The following INTS4 variants were observed in gnomAD, a reference collection of about 807,000 sequenced individuals.
The protein encoded by INTS4 is MSTP093.
INTS4 carries 70 observed loss-of-function variants against 119.5 expected under a neutral mutation model. The ratio of observed to expected loss-of-function variants is 0.59; its 90% CI spans 0.48 to 0.71. The LOEUF (loss-of-function observed/expected upper bound fraction) is 0.71, where lower values mean the gene tolerates loss of function less well. Ranked by LOEUF, INTS4 falls within the 30% of genes least tolerant of loss-of-function variation. The pLI is 0.00. For synonymous variants in INTS4, 316 were observed against 419.6 expected (o/e 0.75, Z 3.02); for missense variants, 867 against 1,173.2 (o/e 0.74, Z 3.81).
At chr11:77,903,249 T>C (rs538007273) in intron 17 of INTS4, among the ~76,000 whole-genome samples, 2 of 152,350 alleles carry the variant, frequency 1.3e-5, no homozygotes, top group Admixed American at 1.3e-4. Context: ...TAGCCTGAAA[T>C]TAGGGAGGCC....
chr11:77,993,687 A>C (rs1856788249), intron 1 of INTS4, among the ~76,000 whole-genome samples: 1 of 152,156 alleles, frequency 6.6e-6, no homozygotes, highest in African/African-American at 2.4e-5. Flanking sequence ...GAATCCATGT[A>C]ATGTTTAAGG....
chr11:77,890,648 T>C (rs761421441), intron 21 of INTS4, among the ~76,000 whole-genome samples: 6 of 152,218 alleles, frequency 3.9e-5, no homozygotes, highest in Non-Finnish European at 7.3e-5. Context: ...AATGAAACTG[T>C]GCACACCCCG....
rs1243995888 is a variant in INTS4, at chr11:77,899,582, A to G, written c.2228+1839T>C. ...CTACTTGGGAGGCTGAGGCAGGAGA[A>G]TCGCTTGAACCCAGGAGGCAGAGGT... On this transcript the variant is annotated intron_variant, in intron 18 of 22. Coordinates refer to ENST00000534064, the MANE Select transcript of INTS4 (RefSeq NM_033547.4). Among the ~76,000 whole-genome samples the G allele has an allele frequency of 1.0e-3, 154 of 151,838 alleles. 1 individual carries two copies. The highest frequency in any genetic ancestry group is 3.7e-3 in the African/African-American group (153 of 41,162).
chr11:77,936,912 C>T (rs1051218506), intron 10 of INTS4, among the ~76,000 whole-genome samples: 3 of 152,096 alleles, frequency 2.0e-5, no homozygotes, highest in Admixed American at 6.6e-5. Flanking sequence ...TGGTGGCTCA[C>T]ACCTGTAATC....
Position 77,921,336 on chromosome 11 carries a change from A to G in INTS4, c.1764+4T>C. ...AACAAGGACAACAGATGTTTTCAACATACCCTCAAGGCAGGAACAAGATGA... is the reference window on the plus strand; with the variant it reads ...AACAAGGACAACAGATGTTTTCAACGTACCCTCAAGGCAGGAACAAGATGA... On this transcript the variant is annotated splice_donor_region_variant and intron_variant, in intron 14 of 22. Transcript: ENST00000534064. 6.2e-7 allele frequency: 1 copy of G among 1,612,710 alleles called. No individual in the cohort carries two copies. The highest frequency in any genetic ancestry group is 8.5e-7 in the Non-Finnish European group (1 of 1,179,250).
chr11:77,941,974 T>C (rs1347899374), intron 8 of INTS4, among the ~76,000 whole-genome samples: 4 of 152,234 alleles, frequency 2.6e-5, no homozygotes, highest in Non-Finnish European at 5.9e-5. Flanking sequence ...ATTCCAGAGC[T>C]AGGAAATAAA....
rs146790163 is a variant in INTS4 at position 77,928,434 on chromosome 11, C to G, written c.1279G>C (p.Val427Leu). Residue 427 changes from valine to leucine, a missense_variant, in exon 11 of 23, where the codon GTA (valine) becomes CTA (leucine). Val to Leu is a conservative substitution (Grantham distance 32). Coordinates refer to ENST00000534064, the MANE Select transcript of INTS4 (RefSeq NM_033547.4). Reference protein sequence around the residue: ...VDMFNDEIEEVRLQSIHTMRK... With the variant: ...VDMFNDEIEELRLQSIHTMRK... ...ATGGTATGTATAGACTGCAGACGTACTTCCTCAATTTCATCGTTGAACATG... is the reference window on the plus strand; with the variant it reads ...ATGGTATGTATAGACTGCAGACGTAGTTCCTCAATTTCATCGTTGAACATG... The G allele has an allele frequency of 4.3e-6, 7 of 1,612,196 alleles. No homozygotes were observed. The African/African-American group carries it at 9.4e-5, about 22-fold the overall frequency.
At chr11:77,903,646 A>G (rs1179017109) in intron 16 of INTS4, 26 bp from the exon 17 acceptor site, 1 of 1,582,430 alleles carries the variant, frequency 6.3e-7, no homozygotes, top group Non-Finnish European at 8.6e-7. Flanking sequence ...AGGAGGGAAC[A>G]GAATACCGAG....
intron 10 of INTS4, 39 bp from the exon 11 acceptor site, chr11:77,928,586 G>C (rs1323767703): frequency 2.6e-6 from 4 of 1,546,282 alleles, no homozygotes; most frequent in Admixed American, 2.0e-5. Flanking sequence ...ATCAGGCTGG[G>C]CACAGTGGCT....
At chr11:77,884,656 T>C in intron 21 of INTS4, 1 of 222,028 alleles carries the variant, frequency 4.5e-6, no homozygotes, top group South Asian at 5.8e-5. Context: ...GAAACTGTGG[T>C]CAATGTTGAA....
intron 21 of INTS4, among the ~76,000 whole-genome samples, chr11:77,889,246 T>G (rs932188020): frequency 6.6e-6 from 1 of 151,936 alleles, no homozygotes; most frequent in South Asian, 2.1e-4. Context: ...TATGCAGCCA[T>G]AAAAAATGAT....
At chr11:77,911,085 T>C in intron 15 of INTS4, 3 of 1,286,680 alleles carry the variant, frequency 2.3e-6, no homozygotes, top group Non-Finnish European at 3.0e-6. Context: ...TCCCATCTCA[T>C]GCTCGGCAGG....
At chr11:77,892,319 T>C (rs1246247541) in intron 19 of INTS4, among the ~76,000 whole-genome samples, 1 of 152,166 alleles carries the variant, frequency 6.6e-6, no homozygotes, top group South Asian at 2.1e-4. Flanking sequence ...TCAGAAAAGT[T>C]AAGTACGTTA....
Position 77,879,040 on chromosome 11 carries a change from A to T in INTS4, c.2801T>A (p.Met934Lys). Residue 934 changes from methionine to lysine, a missense_variant, in exon 23 of 23, where the codon ATG becomes AAG. Coordinates refer to ENST00000534064, the MANE Select transcript of INTS4 (RefSeq NM_033547.4). ...GATGCTGGTTTCCACCTGTGGTGAC[A>T]TCTCACCACCCTCCATCCAGGGGCA... ...PKCPWMEGGE[M>K]SPQVETSIEG... is the part of the protein sequence containing the mutation. 1 of 1,614,122 alleles carries T rather than the reference A, an allele frequency of 6.2e-7. No individual in the cohort carries two copies. Among genetic ancestry groups the T allele is most frequent in the Non-Finnish European group, 8.5e-7 (1 of 1,180,010 alleles).
chr11:77,889,957 A>G (rs1385491356), intron 21 of INTS4, among the ~76,000 whole-genome samples: 1 of 152,208 alleles, frequency 6.6e-6, no homozygotes, highest in Non-Finnish European at 1.5e-5. Flanking sequence ...GACAATGTAA[A>G]ACAGTAGTTC....
chr11:77,878,041 C>A (rs1308383962), downstream of INTS4, among the ~76,000 whole-genome samples: 1 of 152,022 alleles, frequency 6.6e-6, no homozygotes, highest in African/African-American at 2.4e-5. Context: ...CCATAGAGGT[C>A]CTAAGAATAA....
intron 9 of INTS4, 59 bp from the exon 10 acceptor site, chr11:77,938,884 A>G (rs1953863999): frequency 1.6e-6 from 2 of 1,241,538 alleles, no homozygotes; most frequent in African/African-American, 3.0e-5. Flanking sequence ...CACTAAGATG[A>G]ACCCTGAGAA....
intron 2 of INTS4, chr11:77,987,644 T>C (rs1285729438): frequency 1.3e-5 from 6 of 450,712 alleles, no homozygotes; most frequent in South Asian, 4.7e-5. Flanking sequence ...AGCAGGAGGG[T>C]TGCTTGAGCT....
At chr11:77,981,829 T>C (rs899464768) in intron 2 of INTS4, among the ~76,000 whole-genome samples, 1 of 152,066 alleles carries the variant, frequency 6.6e-6, no homozygotes, top group Non-Finnish European at 1.5e-5. Flanking sequence ...GTGCGTGATC[T>C]TGGCTCAATG....
Sources: allele counts gnomAD v4.1 joint callset (sites outside exome capture counted in the v4.1 genomes callset), GRCh38; gene constraint gnomAD v4.1.1; transcripts MANE v1.5; gene names NCBI Gene and HGNC (gene_info 2026-07-23, HGNC 2026-07-21).